KLF8: variants seen among roughly 807,000 people sequenced by gnomAD.
KLF8 encodes Krueppel-like factor 8.
Under a neutral mutation model 18.2 loss-of-function variants are expected in KLF8, and 10 were observed. The observed-to-expected ratio is 0.55, with a 90% CI of 0.34 to 0.93. The LOEUF is 0.93. KLF8 is among the 40% of genes least tolerant of loss of function. The pLI is 0.02. For missense variants in KLF8, 264 were observed against 277.9 expected (o/e 0.95, Z 0.36); for synonymous variants, 109 against 97.3 (o/e 1.12, Z -0.71).
the KLF8 span, chrX:55,908,281 G>T: frequency 3.7e-6 from 1 of 269,829 alleles, no homozygotes; most frequent in Non-Finnish European, 6.5e-6. Flanking sequence ...CATAAATCCA[G>T]CAGAAAGGTC....
At chrX:56,271,091 T>C (rs2067051879) in intron 5 of KLF8, among the ~76,000 whole-genome samples, 1 of 112,346 alleles carries the variant, frequency 8.9e-6, no homozygotes, top group Admixed American at 9.4e-5. Flanking sequence ...CGTAAGTACA[T>C]CTAGAGATGA....
chrX:56,132,684 G>T, the KLF8 span, among the ~76,000 whole-genome samples: 2 of 111,256 alleles, frequency 1.8e-5, no homozygotes, highest in Non-Finnish European at 3.8e-5. Context: ...AGAACTAAAA[G>T]AAATTGAAAC....
the KLF8 span, among the ~76,000 whole-genome samples, chrX:56,155,604 TA>T: frequency 2.7e-5 from 3 of 111,738 alleles, no homozygotes; most frequent in Admixed American, 9.5e-5. Context: ...TAAAGTATAA[TA>T]AAAATAAAAT....
the KLF8 span, among the ~76,000 whole-genome samples, chrX:56,177,888 G>A: frequency 9.0e-6 from 1 of 111,465 alleles, no homozygotes; most frequent in Admixed American, 9.5e-5. Flanking sequence ...GTGGGTGTAG[G>A]TCCCTCCAAG....
At chrX:56,208,867 A>G in the KLF8 span, among the ~76,000 whole-genome samples, 13 of 112,237 alleles carry the variant, frequency 1.2e-4, no homozygotes, top group South Asian at 4.0e-3. Context: ...TAAGACTTGC[A>G]TGTGATCTAA....
intron 2 of KLF8, among the ~76,000 whole-genome samples, chrX:56,254,387 C>T (rs1244319025): frequency 9.0e-6 from 1 of 111,466 alleles, no homozygotes; most frequent in Non-Finnish European, 1.9e-5. Flanking sequence ...ACTCTATGCG[C>T]ACCCCACAGC....
intron 5 of KLF8, among the ~76,000 whole-genome samples, chrX:56,274,167 A>G (rs1373419930): frequency 9.0e-6 from 1 of 111,722 alleles, no homozygotes; most frequent in Non-Finnish European, 1.9e-5. Flanking sequence ...TTTTTTCCAC[A>G]TTCTCACCAG....
At chrX:56,156,781 T>G in the KLF8 span, among the ~76,000 whole-genome samples, 316 of 102,649 alleles carry the variant, frequency 3.1e-3, 2 homozygotes, top group African/African-American at 0.01. Context: ...GTGTTCGTAT[T>G]GTTCAATTCC....
At chrX:56,162,735 G>T in the KLF8 span, among the ~76,000 whole-genome samples, 3 of 111,063 alleles carry the variant, frequency 2.7e-5, no homozygotes, top group Non-Finnish European at 3.8e-5. Context: ...GTGATGCCTC[G>T]CCCTGCTTCA....
the KLF8 span, among the ~76,000 whole-genome samples, chrX:55,947,404 G>A: frequency 3.8e-5 from 4 of 104,711 alleles, no homozygotes; most frequent in South Asian, 4.6e-4. Context: ...ACCAAACACC[G>A]CATATTCTCA....
chrX:55,954,936 T>A, the KLF8 span, among the ~76,000 whole-genome samples: 8 of 111,653 alleles, frequency 7.2e-5, no homozygotes, highest in African/African-American at 2.0e-4. Context: ...TCTATGTATA[T>A]GAAATGTTCA....
At chrX:55,961,748 A>T in the KLF8 span, 1 of 342,595 alleles carries the variant, frequency 2.9e-6, no homozygotes, top group African/African-American at 2.7e-5. Flanking sequence ...CTATGACCCC[A>T]AGACTTGGTG....
chrX:56,026,937 G>C, the KLF8 span, among the ~76,000 whole-genome samples: 1 of 112,721 alleles, frequency 8.9e-6, no homozygotes, highest in Non-Finnish European at 1.9e-5. Context: ...AGGGACAGAG[G>C]GGTCTTGCTT....
the KLF8 span, among the ~76,000 whole-genome samples, chrX:56,216,101 C>T: frequency 9.2e-6 from 1 of 108,438 alleles, no homozygotes; most frequent in Non-Finnish European, 1.9e-5. Flanking sequence ...AATCTGTTCC[C>T]TAACTTTGTG....
At chrX:56,145,007 G>T in the KLF8 span, among the ~76,000 whole-genome samples, 3 of 109,214 alleles carry the variant, frequency 2.7e-5, no homozygotes, top group Non-Finnish European at 5.7e-5. Context: ...TGGCCAGGCT[G>T]GTCTTGAACT....
chrX:56,270,891 A>G (rs1043156593), intron 5 of KLF8, among the ~76,000 whole-genome samples: 4 of 111,904 alleles, frequency 3.6e-5, no homozygotes, highest in African/African-American at 1.3e-4. Flanking sequence ...TGATCTGAAG[A>G]AGGAGAGCTG....
At chrX:56,009,311 A>G in the KLF8 span, among the ~76,000 whole-genome samples, 1 of 111,348 alleles carries the variant, frequency 9.0e-6, no homozygotes, top group Non-Finnish European at 1.9e-5. Context: ...ACCCAGGTGA[A>G]TAGGTTCTGG....
the KLF8 span, among the ~76,000 whole-genome samples, chrX:56,062,440 T>C: frequency 5.4e-5 from 6 of 111,999 alleles, no homozygotes; most frequent in African/African-American, 6.5e-5. Context: ...CCTTGGCTTA[T>C]GAAGCTTAGT....
chrX:55,917,830 G>A, the KLF8 span, among the ~76,000 whole-genome samples: 3 of 111,563 alleles, frequency 2.7e-5, no homozygotes, highest in East Asian at 2.8e-4. Flanking sequence ...TTATTGCTCC[G>A]CCACCTTTTC....
Sources: allele counts gnomAD v4.1 joint callset (sites outside exome capture counted in the v4.1 genomes callset), GRCh38; gene constraint gnomAD v4.1.1; transcripts MANE v1.5; gene names NCBI Gene and HGNC (gene_info 2026-07-23, HGNC 2026-07-21).